Variants in XKRX observed in about 807,000 individuals in gnomAD.
XKRX encodes the protein XK related X-linked, also known as XK-related protein 2.
A neutral mutation model predicts 22.4 loss-of-function variants in XKRX; 11 were observed. That is an observed-to-expected ratio of 0.49 (90% CI 0.31 to 0.81). The LOEUF (loss-of-function observed/expected upper bound fraction) is 0.81. XKRX is among the 40% of genes least tolerant of loss of function. The pLI, the probability that XKRX is intolerant of heterozygous loss-of-function variation, is 0.05. For missense variants in XKRX, 320 were observed against 336.5 expected (o/e 0.95, Z 0.38); for synonymous variants, 114 against 132.2 (o/e 0.86, Z 0.94).
At chrX:100,887,965 A>G in the XKRX span, 1 of 1,076,825 alleles carries the variant, frequency 9.3e-7, no homozygotes, top group Non-Finnish European at 1.3e-6. Flanking sequence ...TCATTCCCAC[A>G]GAAACCACCT....
chrX:100,931,369 G>A (rs1025794705), upstream of XKRX, among the ~76,000 whole-genome samples: 1 of 110,106 alleles, frequency 9.1e-6, no homozygotes, highest in Non-Finnish European at 1.9e-5. Flanking sequence ...AGATTTTATT[G>A]CCCACACTAC....
chrX:100,939,608 A>G, the XKRX span, among the ~76,000 whole-genome samples: 1 of 111,882 alleles, frequency 8.9e-6, no homozygotes, highest in African/African-American at 3.3e-5. Context: ...TTCCCAAGTA[A>G]GGCACCTGAA....
the XKRX span, among the ~76,000 whole-genome samples, chrX:100,945,247 TACACACAC>T: frequency 1.7e-3 from 94 of 55,366 alleles, no homozygotes; most frequent in African/African-American, 5.7e-3. Flanking sequence ...ACCTGGGTGA[TACACACAC>T]ACACACACAC....
the XKRX span, among the ~76,000 whole-genome samples, chrX:100,951,613 A>T: frequency 9.0e-6 from 1 of 111,475 alleles, no homozygotes; most frequent in East Asian, 2.8e-4. Flanking sequence ...GAAAAACCAT[A>T]CAGATGATGA....
the XKRX span, chrX:100,888,416 A>G: frequency 1.0e-6 from 1 of 966,454 alleles, no homozygotes; most frequent in Non-Finnish European, 1.5e-6. Flanking sequence ...GTATGTAACA[A>G]ACCCAAAGCC....
At chrX:100,932,271 G>C (rs1416199997), upstream of XKRX, among the ~76,000 whole-genome samples, 1 of 111,493 alleles carries the variant, frequency 9.0e-6, no homozygotes, top group Non-Finnish European at 1.9e-5. Context: ...CAAGATTCCA[G>C]CTCTTTACTC....
At chrX:100,925,113 T>C (rs936776043) in intron 1 of XKRX, among the ~76,000 whole-genome samples, 5 of 112,427 alleles carry the variant, frequency 4.4e-5, no homozygotes, top group Non-Finnish European at 9.4e-5. Context: ...TTTTAGATTT[T>C]AACCCCAACC....
upstream of XKRX, chrX:100,929,277 G>C (rs1283966603): frequency 9.0e-6 from 1 of 111,714 alleles, no homozygotes; most frequent in Non-Finnish European, 1.9e-5. Context: ...AGATGGGCGG[G>C]ACGGCTGCGG....
the XKRX span, chrX:100,957,608 C>T: frequency 1.7e-3 from 1,020 of 589,190 alleles, 7 homozygotes; most frequent in African/African-American, 0.021. Flanking sequence ...ATTCCACTTC[C>T]GGATGCAGTG....
At chrX:100,891,800 T>TGAAAGAAAGAAAGAAAGA in the XKRX span, among the ~76,000 whole-genome samples, 1 of 78,421 alleles carries the variant, frequency 1.3e-5, no homozygotes, top group African/African-American at 5.3e-5. Flanking sequence ...AGAAAGAAAG[T>TGAAAGAAAGAAAGAAAGA]AAGTTAAAAA....
upstream of XKRX, among the ~76,000 whole-genome samples, chrX:100,930,364 T>C (rs903441107): frequency 6.4e-5 from 7 of 110,022 alleles, no homozygotes; most frequent in African/African-American, 1.3e-4. Context: ...AATCTCCTTT[T>C]GCTGCAGGAA....
At chrX:100,889,250 AAAAAAG>A in the XKRX span, among the ~76,000 whole-genome samples, 11 of 108,611 alleles carry the variant, frequency 1.0e-4, no homozygotes, top group African/African-American at 3.0e-4. Flanking sequence ...AAAAAAAAAA[AAAAAAG>A]AAAAAGAAAA....
At chrX:100,934,596 G>T in the XKRX span, among the ~76,000 whole-genome samples, 3 of 111,912 alleles carry the variant, frequency 2.7e-5, no homozygotes, top group Non-Finnish European at 3.8e-5. Context: ...CTAGACTGGT[G>T]TGTGACCAAA....
the XKRX span, chrX:100,887,928 C>T: frequency 2.7e-3 from 3,001 of 1,119,778 alleles, 8 homozygotes; most frequent in Non-Finnish European, 3.3e-3. Context: ...ACCACGACCA[C>T]TGACGTTTCC....
chrX:100,951,107 G>C, the XKRX span, among the ~76,000 whole-genome samples: 1 of 108,342 alleles, frequency 9.2e-6, no homozygotes, highest in Non-Finnish European at 1.9e-5. Flanking sequence ...GGTGGTGGGC[G>C]CCTGTAATCC....
chrX:100,930,729 G>T (rs1177216182), upstream of XKRX, among the ~76,000 whole-genome samples: 1 of 111,109 alleles, frequency 9.0e-6, no homozygotes, highest in African/African-American at 3.3e-5. Flanking sequence ...CCAGTATATG[G>T]TGCAGAACCT....
At chrX:100,950,936 A>C in the XKRX span, among the ~76,000 whole-genome samples, 1 of 111,692 alleles carries the variant, frequency 9.0e-6, no homozygotes, top group African/African-American at 3.3e-5. Flanking sequence ...CTTACATTAG[A>C]AAAAAGGAGG....
chrX:100,888,040 T>G, the XKRX span: 1 of 1,127,328 alleles, frequency 8.9e-7, no homozygotes, highest in Non-Finnish European at 1.2e-6. Context: ...GCACTAGCCA[T>G]CTCTTGCTTT....
the XKRX span, among the ~76,000 whole-genome samples, chrX:100,907,115 T>A: frequency 8.9e-6 from 1 of 112,197 alleles, no homozygotes. Context: ...CCCGTCTTAC[T>A]CTTGCTTCCA....
Sources: gnomAD v4.1 joint callset for allele counts (sites outside exome capture counted in the v4.1 genomes callset) on GRCh38, gnomAD v4.1.1 for gene constraint, MANE v1.5 for transcripts, NCBI Gene and HGNC (gene_info 2026-07-23, HGNC 2026-07-21) for gene names.